OSTN: variants seen among roughly 807,000 people sequenced by gnomAD.
The protein encoded by OSTN is osteocrin.
A neutral mutation model predicts 12.0 loss-of-function variants in OSTN; 9 were observed. The ratio of observed to expected loss-of-function variants is 0.75; its 90% CI spans 0.45 to 1.30. OSTN has a LOEUF of 1.30. Among genes scored for constraint, OSTN ranks in the 50% most tolerant of loss-of-function variants. The pLI is 0.00. For missense variants in OSTN, 148 were observed against 152.3 expected, an observed-to-expected ratio of 0.97 and a Z score of 0.15; for synonymous variants, 59 against 56.9, an observed-to-expected ratio of 1.04 and a Z score of -0.16.
chr3:191,231,658 C>T (rs1054007548), intron 3 of OSTN, among the ~76,000 whole-genome samples: 8 of 152,104 alleles, frequency 5.3e-5, no homozygotes, highest in Non-Finnish European at 7.4e-5. Flanking sequence ...TAAATGTCTG[C>T]GATTTTCATG....
intron 1 of OSTN, among the ~76,000 whole-genome samples, chr3:191,205,332 C>G (rs1714243684): frequency 6.6e-6 from 1 of 151,944 alleles, no homozygotes; most frequent in Admixed American, 6.6e-5. Context: ...CTGAGTTTTT[C>G]CCCAGCATAA....
At chr3:191,204,886 T>G (rs901236552) in intron 1 of OSTN, among the ~76,000 whole-genome samples, 4 of 152,220 alleles carry the variant, frequency 2.6e-5, no homozygotes, top group African/African-American at 9.6e-5. Context: ...AAAAATTGGC[T>G]TCAAACATCT....
intron 3 of OSTN, among the ~76,000 whole-genome samples, chr3:191,230,433 G>A (rs1188617511): frequency 6.6e-6 from 1 of 151,704 alleles, no homozygotes; most frequent in Non-Finnish European, 1.5e-5. Context: ...GCATGGTGGT[G>A]GGCGCCTGTA....
At position 191,223,317 on chromosome 3, in the gene OSTN, T is replaced by A. The variant is rs1714817341; in HGVS notation, c.317+4356T>A. Among the ~76,000 whole-genome samples the A allele has an allele frequency of 2.0e-5, 3 of 152,208 alleles. No individual in the cohort carries two copies. The South Asian group carries it at 6.2e-4, about 31-fold the overall frequency. On this transcript the variant is annotated intron_variant, in intron 3 of 4. Transcript: ENST00000682035. ...AGGGAATATTCCTTCCATGAGCATA[T>A]CCTGAGGAAGCTAATACATGAGTTA... is the stretch of plus-strand genomic sequence containing the variant.
chr3:191,221,120 C>T (rs757759381), intron 3 of OSTN, among the ~76,000 whole-genome samples: 10 of 152,266 alleles, frequency 6.6e-5, no homozygotes, highest in South Asian at 4.1e-4. Flanking sequence ...TGCTCTTCTC[C>T]TTGCTGCCAC....
chr3:191,255,739 AACAAAAATAAT>A (rs1351294139), intron 4 of OSTN, among the ~76,000 whole-genome samples: 3 of 152,180 alleles, frequency 2.0e-5, no homozygotes, highest in African/African-American at 7.2e-5. Flanking sequence ...TGAAAAAAAA[AACAAAAATAAT>A]CAGCAATGTT....
At chr3:191,258,704 C>T (rs1715732925) in intron 4 of OSTN, among the ~76,000 whole-genome samples, 1 of 151,860 alleles carries the variant, frequency 6.6e-6, no homozygotes, top group Non-Finnish European at 1.5e-5. Context: ...CCAGGTACCC[C>T]CAAAAGAGGA....
chr3:191,207,694 T>A (rs990475096), intron 1 of OSTN, among the ~76,000 whole-genome samples: 1 of 152,218 alleles, frequency 6.6e-6, no homozygotes, highest in Non-Finnish European at 1.5e-5. Context: ...TAAACTCTGG[T>A]TTAAATATAA....
At chr3:191,256,566 T>C (rs1477331004) in intron 4 of OSTN, among the ~76,000 whole-genome samples, 5 of 150,266 alleles carry the variant, frequency 3.3e-5, no homozygotes, top group African/African-American at 7.3e-5. Context: ...TCTTAAACAA[T>C]CATAAGGTCT....
chr3:191,234,769 G>A (rs80346981), intron 3 of OSTN, among the ~76,000 whole-genome samples: 4,226 of 150,810 alleles, frequency 0.028, 198 homozygotes, highest in African/African-American at 0.098. Context: ...GCATACTCCC[G>A]GGAAGAGGTC....
At chr3:191,232,907 G>A (rs993522970) in intron 3 of OSTN, among the ~76,000 whole-genome samples, 48 of 151,984 alleles carry the variant, frequency 3.2e-4, no homozygotes, top group African/African-American at 1.7e-4. Context: ...GAGCCACTGC[G>A]TTCGGTCATA....
chr3:191,257,489 A>G (rs1715699181), intron 4 of OSTN, among the ~76,000 whole-genome samples: 1 of 152,180 alleles, frequency 6.6e-6, no homozygotes, highest in South Asian at 2.1e-4. Context: ...TAACTGGGAT[A>G]GGAGAGAATC....
chr3:191,217,575 G>A (rs1466639032), intron 2 of OSTN, among the ~76,000 whole-genome samples: 1 of 152,158 alleles, frequency 6.6e-6, no homozygotes, highest in African/African-American at 2.4e-5. Context: ...ATTGTTAATA[G>A]GAGCATTTAA....
intron 3 of OSTN, among the ~76,000 whole-genome samples, chr3:191,229,449 C>T (rs1432390547): frequency 1.3e-5 from 2 of 151,930 alleles, no homozygotes; most frequent in Non-Finnish European, 2.9e-5. Context: ...AAAAATAATA[C>T]AGGAGTGGGA....
chr3:191,202,127 T>C (rs1415258600), intron 1 of OSTN, among the ~76,000 whole-genome samples: 2 of 152,218 alleles, frequency 1.3e-5, no homozygotes, highest in Non-Finnish European at 2.9e-5. Flanking sequence ...GGAGACCAGA[T>C]TTCTAAAGTA....
rs757583938 is a variant in OSTN at position 191,218,866 on chromosome 3, T to C, written c.222T>C (p.Asp74=). 2 of 1,614,120 alleles carry C rather than the reference T, an allele frequency of 1.2e-6. No individual in the cohort carries two copies. The highest frequency in any genetic ancestry group is 1.6e-4 in the Middle Eastern group (1 of 6,062). ...LLDELVSLEN[D]VIETKKKRSF... ...ATGAATTGGTGTCCCTAGAAAATGATGTGATTGAGACAAAGAAGAAAAGGA... is the reference window on the plus strand; with the variant it reads ...ATGAATTGGTGTCCCTAGAAAATGACGTGATTGAGACAAAGAAGAAAAGGA... The change falls in exon 3 of 5, where the codon GAT becomes GAC. Residue 74 remains aspartate (D), a synonymous_variant. Coordinates refer to ENST00000682035, the MANE Select transcript of OSTN (RefSeq NM_198184.2).
chr3:191,226,103 TATCTC>T (rs1462407611), intron 3 of OSTN, among the ~76,000 whole-genome samples: 27 of 152,242 alleles, frequency 1.8e-4, no homozygotes, highest in Non-Finnish European at 2.9e-4. Context: ...GCATTAGACT[TATCTC>T]ATATATGAAT....
chr3:191,235,151 T>C (rs1257179283), intron 3 of OSTN, among the ~76,000 whole-genome samples: 3 of 152,190 alleles, frequency 2.0e-5, no homozygotes, highest in African/African-American at 7.2e-5. Context: ...TAGTTGTTGT[T>C]CCCTACCCCT....
chr3:191,243,103 G>A (rs1251088645), intron 3 of OSTN, among the ~76,000 whole-genome samples: 1 of 152,102 alleles, frequency 6.6e-6, no homozygotes, highest in Non-Finnish European at 1.5e-5. Flanking sequence ...AAACCACAGT[G>A]GGATATGATT....
Sources: gnomAD v4.1 joint callset for allele counts (sites outside exome capture counted in the v4.1 genomes callset) on GRCh38, gnomAD v4.1.1 for gene constraint, MANE v1.5 for transcripts, NCBI Gene and HGNC (gene_info 2026-07-23, HGNC 2026-07-21) for gene names.